CAMK1D: variants seen among roughly 807,000 people sequenced by gnomAD.
CAMK1D encodes the protein calcium/calmodulin-dependent protein kinase type 1D.
Under a neutral mutation model 47.7 loss-of-function variants are expected in CAMK1D, and 9 were observed. That is an observed-to-expected ratio of 0.19 (90% confidence interval 0.11 to 0.33). CAMK1D has a LOEUF of 0.33. Among genes scored for constraint, CAMK1D ranks in the 10% least tolerant of loss-of-function variants. The pLI, the probability that CAMK1D is intolerant of heterozygous loss-of-function variation, is 1.00. For synonymous variants in CAMK1D, 184 were observed against 184.9 expected (o/e 0.99, Z 0.04); for missense variants, 291 against 488.7 (o/e 0.60, Z 3.81).
At chr10:12,408,048 G>A (rs1400772734) in intron 1 of CAMK1D, among the ~76,000 whole-genome samples, 10 of 152,058 alleles carry the variant, frequency 6.6e-5, no homozygotes, top group Non-Finnish European at 1.5e-4. Flanking sequence ...AGTAGAGACG[G>A]TGTTTTACCA....
At chr10:12,543,376 T>G (rs1836260393) in intron 1 of CAMK1D, among the ~76,000 whole-genome samples, 1 of 152,126 alleles carries the variant, frequency 6.6e-6, no homozygotes, top group Non-Finnish European at 1.5e-5. Flanking sequence ...AACTTTAGGT[T>G]AAATAGTAAA....
intron 1 of CAMK1D, among the ~76,000 whole-genome samples, chr10:12,427,703 T>TTTTTTG (rs1840290474): frequency 3.1e-5 from 3 of 95,382 alleles, no homozygotes; most frequent in African/African-American, 1.2e-4. Flanking sequence ...ACTTACTGTT[T>TTTTTTG]TTTTTTTTTT....
intron 2 of CAMK1D, among the ~76,000 whole-genome samples, chr10:12,601,193 G>GT (rs770880351): frequency 8.9e-4 from 39 of 43,910 alleles, no homozygotes; most frequent in Middle Eastern, 0.014. Flanking sequence ...TTGTTTGTTT[G>GT]TTTTTTTTTT....
intron 2 of CAMK1D, among the ~76,000 whole-genome samples, chr10:12,661,102 T>C (rs1242912658): frequency 1.3e-5 from 2 of 152,238 alleles, no homozygotes; most frequent in African/African-American, 4.8e-5. Context: ...TGTCTTTTTC[T>C]GATTCTGTCT....
At chr10:12,628,502 C>T (rs1421499239) in intron 2 of CAMK1D, among the ~76,000 whole-genome samples, 2 of 151,992 alleles carry the variant, frequency 1.3e-5, no homozygotes, top group Non-Finnish European at 2.9e-5. Context: ...TCTCATATAC[C>T]CCCAACCCAA....
chr10:12,405,235 C>CTTCA (rs1331902125), intron 1 of CAMK1D, among the ~76,000 whole-genome samples: 1 of 152,176 alleles, frequency 6.6e-6, no homozygotes, highest in African/African-American at 2.4e-5. Flanking sequence ...CCACAGCTGG[C>CTTCA]TTCAGCCCAG....
At chr10:12,764,810 A>G (rs549951437) in intron 4 of CAMK1D, among the ~76,000 whole-genome samples, 1 of 152,048 alleles carries the variant, frequency 6.6e-6, no homozygotes, top group African/African-American at 2.4e-5. Context: ...TTTAAAACTC[A>G]TTGGGGCCAG....
chr10:12,398,591 C>A (rs781076788), intron 1 of CAMK1D, among the ~76,000 whole-genome samples: 1 of 152,110 alleles, frequency 6.6e-6, no homozygotes, highest in Non-Finnish European at 1.5e-5. Context: ...TCAGGTGATC[C>A]GCCCGCCTCG....
chr10:12,645,266 A>T (rs542420382), intron 2 of CAMK1D, among the ~76,000 whole-genome samples: 2 of 152,128 alleles, frequency 1.3e-5, no homozygotes, highest in South Asian at 2.1e-4. Context: ...ATTATTTAAA[A>T]TTTTTTTCTA....
chr10:12,691,380 TATATATATATATATATATATATAA>T (rs1301833594), intron 3 of CAMK1D, among the ~76,000 whole-genome samples: 189 of 7,028 alleles, frequency 0.027, 4 homozygotes, highest in East Asian at 0.07. Context: ...TATATATAAA[TATATATATATATATATATATATAA>T]ATATATATAT....
At chr10:12,716,589 G>C (rs1030500357) in intron 3 of CAMK1D, among the ~76,000 whole-genome samples, 2 of 152,116 alleles carry the variant, frequency 1.3e-5, no homozygotes, top group African/African-American at 4.8e-5. Flanking sequence ...CTCACACCTA[G>C]TGTTTTGCAC....
intron 1 of CAMK1D, among the ~76,000 whole-genome samples, chr10:12,362,160 A>G (rs1199499640): frequency 6.6e-6 from 1 of 152,166 alleles, no homozygotes; most frequent in Non-Finnish European, 1.5e-5. Context: ...ACATTACAGC[A>G]TTGTCCAACC....
At chr10:12,815,992 C>T (rs1167116083) in intron 7 of CAMK1D, among the ~76,000 whole-genome samples, 1 of 152,236 alleles carries the variant, frequency 6.6e-6, no homozygotes, top group African/African-American at 2.4e-5. Flanking sequence ...TCACTAGCCA[C>T]TAGAGGTAAG....
intron 1 of CAMK1D, among the ~76,000 whole-genome samples, chr10:12,481,727 C>A (rs1834071336): frequency 6.6e-6 from 1 of 152,168 alleles, no homozygotes; most frequent in Non-Finnish European, 1.5e-5. Context: ...TCAGGCTGGT[C>A]TCGAACTCCT....
chr10:12,695,049 TAG>T (rs1177797490), intron 3 of CAMK1D, among the ~76,000 whole-genome samples: 2 of 122,122 alleles, frequency 1.6e-5, no homozygotes, highest in East Asian at 4.6e-4. Context: ...GATAGATAGA[TAG>T]ATAGATAGAT....
chr10:12,541,473 C>T (rs1013403634), intron 1 of CAMK1D, among the ~76,000 whole-genome samples: 1 of 152,202 alleles, frequency 6.6e-6, no homozygotes, highest in Non-Finnish European at 1.5e-5. Context: ...AAGCAGTTCT[C>T]CTGCCTCAGC....
At chr10:12,393,172 C>CA (rs1194073193) in intron 1 of CAMK1D, among the ~76,000 whole-genome samples, 1 of 151,980 alleles carries the variant, frequency 6.6e-6, no homozygotes, top group Non-Finnish European at 1.5e-5. Flanking sequence ...GCTGGGACTA[C>CA]AGGCGCCCAC....
At chr10:12,605,790 T>C (rs1838441113) in intron 2 of CAMK1D, among the ~76,000 whole-genome samples, 1 of 152,084 alleles carries the variant, frequency 6.6e-6, no homozygotes, top group Non-Finnish European at 1.5e-5. Flanking sequence ...CACTTCCCTC[T>C]CTCTCCCTTT....
At chr10:12,662,399 A>G (rs10906198) in intron 2 of CAMK1D, among the ~76,000 whole-genome samples, 4 of 152,162 alleles carry the variant, frequency 2.6e-5, no homozygotes, top group Non-Finnish European at 5.9e-5. Flanking sequence ...CACGCCTGTA[A>G]TCCCAGCACT....
Sources: gnomAD v4.1 joint callset for allele counts (sites outside exome capture counted in the v4.1 genomes callset) on GRCh38, gnomAD v4.1.1 for gene constraint, MANE v1.5 for transcripts, NCBI Gene and HGNC (gene_info 2026-07-23, HGNC 2026-07-21) for gene names.